The following OPHN1 variants were observed in gnomAD, a reference collection of about 807,000 sequenced individuals.
OPHN1 encodes the protein oligophrenin-1.
A neutral mutation model predicts 60.7 loss-of-function variants in OPHN1; 11 were observed. That is an observed-to-expected ratio of 0.18 (90% confidence interval 0.11 to 0.30). The LOEUF is 0.30. Among genes scored for constraint, OPHN1 ranks in the 10% least tolerant of loss-of-function variants. OPHN1 has a pLI of 1.00. For missense variants in OPHN1, 449 were observed against 611.0 expected (o/e 0.73, Z 2.80); for synonymous variants, 226 against 222.6 (o/e 1.02, Z -0.14).
At chrX:68,047,877 T>C in intron 24 of OPHN1, among the ~76,000 whole-genome samples, 1 of 112,217 alleles carries the variant, frequency 8.9e-6, no homozygotes, top group South Asian at 3.7e-4. Flanking sequence ...GTGCTTTGCA[T>C]TGGACAAACA....
chrX:68,298,186 C>T (rs1286428375), intron 3 of OPHN1, among the ~76,000 whole-genome samples: 2 of 111,502 alleles, frequency 1.8e-5, no homozygotes, highest in African/African-American at 6.5e-5. Context: ...CAAACTTTTT[C>T]TTAAATGGCC....
intron 11 of OPHN1, among the ~76,000 whole-genome samples, chrX:68,200,985 A>C (rs995437229): frequency 1.8e-5 from 2 of 112,243 alleles, no homozygotes; most frequent in African/African-American, 6.5e-5. Flanking sequence ...TTAATGGTTA[A>C]AATTCTCCTC....
chrX:68,324,209 A>C (rs1334147129), intron 2 of OPHN1, among the ~76,000 whole-genome samples: 2 of 111,920 alleles, frequency 1.8e-5, no homozygotes, highest in Non-Finnish European at 3.8e-5. Flanking sequence ...AGAAAATACA[A>C]ACAAACCTAC....
chrX:68,161,203 T>C (rs1348203347), intron 15 of OPHN1, among the ~76,000 whole-genome samples: 1 of 110,720 alleles, frequency 9.0e-6, no homozygotes, highest in Non-Finnish European at 1.9e-5. Flanking sequence ...ATAGAAAATC[T>C]GAATAGGCCT....
intron 2 of OPHN1, among the ~76,000 whole-genome samples, chrX:68,381,749 C>T (rs1006249113): frequency 3.6e-5 from 4 of 111,213 alleles, no homozygotes; most frequent in African/African-American, 1.3e-4. Context: ...CAAGGTGGAC[C>T]AGCCATACCA....
At chrX:68,425,294 A>G (rs758424406) in intron 2 of OPHN1, among the ~76,000 whole-genome samples, 5 of 112,261 alleles carry the variant, frequency 4.5e-5, no homozygotes, top group African/African-American at 6.5e-5. Context: ...CCCTTTGCCT[A>G]TTCTCCCAGA....
At position 68,210,901 on chromosome X, in the gene OPHN1, C is replaced by T. The variant is rs780817953; in HGVS notation, c.703-619G>A. Among the ~76,000 whole-genome samples, 10 of 111,185 alleles carry T rather than the reference C, an allele frequency of 9.0e-5. No homozygotes were observed. The South Asian group carries it at 1.5e-3, about 17-fold the overall frequency. ...TCACTACAGATAAGTTTTTAGTACC[C>T]AGTCTTAAAATTATGACATGATGTT... is the stretch of plus-strand genomic sequence containing the variant. On this transcript the variant is annotated intron_variant, in intron 8 of 24. Coordinates refer to ENST00000355520, the MANE Select transcript of OPHN1 (RefSeq NM_002547.3).
chrX:68,304,619 C>T (rs1386755250), intron 2 of OPHN1, among the ~76,000 whole-genome samples: 1 of 111,297 alleles, frequency 9.0e-6, no homozygotes, highest in Non-Finnish European at 1.9e-5. Context: ...TTTAAATTAA[C>T]AAAGGGCTTA....
intron 15 of OPHN1, among the ~76,000 whole-genome samples, chrX:68,143,164 C>G (rs1162494827): frequency 9.0e-6 from 1 of 111,594 alleles, no homozygotes; most frequent in Non-Finnish European, 1.9e-5. Context: ...CCATCTCTGA[C>G]AAGTAACCTG....
At chrX:68,338,187 T>C (rs2078333815) in intron 2 of OPHN1, among the ~76,000 whole-genome samples, 1 of 111,764 alleles carries the variant, frequency 8.9e-6, no homozygotes, top group African/African-American at 3.2e-5. Flanking sequence ...TGGTTAGATC[T>C]AGATAGAAAA....
At chrX:68,426,699 C>CAAA (rs778079057) in intron 2 of OPHN1, among the ~76,000 whole-genome samples, 4 of 36,732 alleles carry the variant, frequency 1.1e-4, no homozygotes, top group East Asian at 2.6e-3. Context: ...CGCATCTCTC[C>CAAA]AAAAAAAAAA....
At chrX:68,303,648 CA>C (rs766771191) in intron 2 of OPHN1, among the ~76,000 whole-genome samples, 6,016 of 83,678 alleles carry the variant, frequency 0.072, 423 homozygotes, top group African/African-American at 0.23. Flanking sequence ...AATTTCATCT[CA>C]AAAAAAAAAA....
At chrX:68,273,580 G>A (rs2077979234) in intron 5 of OPHN1, among the ~76,000 whole-genome samples, 1 of 112,297 alleles carries the variant, frequency 8.9e-6, no homozygotes, top group Non-Finnish European at 1.9e-5. Context: ...CAACACAGTA[G>A]CTACTAGACA....
intron 2 of OPHN1, among the ~76,000 whole-genome samples, chrX:68,358,724 A>G (rs2078455043): frequency 8.9e-6 from 1 of 112,229 alleles, no homozygotes. Flanking sequence ...AATCTTATTT[A>G]TGACTTCATA....
chrX:68,176,608 C>T (rs1339324711), intron 15 of OPHN1, among the ~76,000 whole-genome samples: 3 of 111,835 alleles, frequency 2.7e-5, no homozygotes, highest in Non-Finnish European at 5.6e-5. Context: ...GGTAAAGCCA[C>T]TATGCAACAT....
At chrX:68,382,067 G>A (rs1179740940) in intron 2 of OPHN1, among the ~76,000 whole-genome samples, 1 of 111,851 alleles carries the variant, frequency 8.9e-6, no homozygotes, top group East Asian at 2.8e-4. Context: ...ATGCCACCAG[G>A]CCAGGTGCAA....
chrX:68,123,706 C>T (rs1383551385), intron 15 of OPHN1, among the ~76,000 whole-genome samples: 5 of 110,526 alleles, frequency 4.5e-5, no homozygotes, highest in African/African-American at 1.6e-4. Flanking sequence ...TTGCAAACCT[C>T]TTAATAACCT....
At chrX:68,381,836 T>A (rs989060174) in intron 2 of OPHN1, among the ~76,000 whole-genome samples, 19 of 111,160 alleles carry the variant, frequency 1.7e-4, no homozygotes, top group African/African-American at 5.9e-4. Context: ...TCTTTCTCTC[T>A]CTCTCTCGCT....
chrX:68,143,053 C>T (rs753419347), intron 15 of OPHN1, among the ~76,000 whole-genome samples: 1 of 111,161 alleles, frequency 9.0e-6, no homozygotes, highest in Admixed American at 9.6e-5. Context: ...CTTGAAAAAC[C>T]TCTTTTGCTA....
Sources: gnomAD v4.1 joint callset for allele counts (sites outside exome capture counted in the v4.1 genomes callset) on GRCh38, gnomAD v4.1.1 for gene constraint, MANE v1.5 for transcripts, NCBI Gene and HGNC (gene_info 2026-07-23, HGNC 2026-07-21) for gene names.